The following FSTL4 variants were observed in gnomAD, a reference collection of about 807,000 sequenced individuals.
The protein encoded by FSTL4 is follistatin-related protein 4.
FSTL4 carries 28 observed loss-of-function variants against 78.2 expected under a neutral mutation model. The ratio of observed to expected loss-of-function variants is 0.36; its 90% CI spans 0.27 to 0.49. The LOEUF (loss-of-function observed/expected upper bound fraction) is 0.49. Among genes scored for constraint, FSTL4 ranks in the 20% least tolerant of loss-of-function variants. The pLI, the probability that FSTL4 is intolerant of heterozygous loss-of-function variation, is 0.98. For missense variants in FSTL4, 922 were observed against 1,084.9 expected (o/e 0.85, Z 2.11); for synonymous variants, 422 against 440.5 (o/e 0.96, Z 0.53).
At chr5:133,822,326 C>T in the FSTL4 span, among the ~76,000 whole-genome samples, 2 of 152,198 alleles carry the variant, frequency 1.3e-5, no homozygotes, top group African/African-American at 4.8e-5. Context: ...AATTTATATG[C>T]AGCATTGACC....
chr5:133,428,448 C>T (rs1366014473), intron 3 of FSTL4, among the ~76,000 whole-genome samples: 2 of 152,142 alleles, frequency 1.3e-5, no homozygotes, highest in Non-Finnish European at 2.9e-5. Context: ...GTGGAGGGTA[C>T]CCTGTCCAGA....
At chr5:133,495,322 C>T (rs955815326) in intron 3 of FSTL4, among the ~76,000 whole-genome samples, 1 of 152,214 alleles carries the variant, frequency 6.6e-6, no homozygotes, top group Non-Finnish European at 1.5e-5. Context: ...ACTGTGATTG[C>T]TGGAGAAAGG....
chr5:133,828,575 T>A, the FSTL4 span, among the ~76,000 whole-genome samples: 1 of 152,282 alleles, frequency 6.6e-6, no homozygotes, highest in Admixed American at 6.5e-5. Context: ...CTGTGCCTAA[T>A]TAAATTCTAG....
At chr5:133,618,125 T>C in the FSTL4 span, among the ~76,000 whole-genome samples, 2 of 152,324 alleles carry the variant, frequency 1.3e-5, no homozygotes, top group Middle Eastern at 3.4e-3. Context: ...ATACCTATGA[T>C]AGTTTAATTT....
chr5:133,610,206 C>T (rs185377162), intron 1 of FSTL4, among the ~76,000 whole-genome samples: 104 of 152,282 alleles, frequency 6.8e-4, no homozygotes, highest in African/African-American at 2.5e-3. Flanking sequence ...CCTCACCCAC[C>T]TCCAGGGCAC....
the FSTL4 span, among the ~76,000 whole-genome samples, chr5:133,710,159 A>C: frequency 1.3e-5 from 2 of 152,176 alleles, no homozygotes; most frequent in Admixed American, 6.5e-5. Flanking sequence ...GCCATCAGCT[A>C]TCAGCCATCA....
intron 3 of FSTL4, among the ~76,000 whole-genome samples, chr5:133,460,017 C>T (rs115646388): frequency 0.014 from 2,131 of 152,258 alleles, 47 homozygotes; most frequent in African/African-American, 0.049. Flanking sequence ...ATAGGGTGTA[C>T]GCCGAGTAAA....
intron 4 of FSTL4, among the ~76,000 whole-genome samples, chr5:133,337,310 C>G (rs921658229): frequency 6.6e-6 from 1 of 152,218 alleles, no homozygotes; most frequent in Admixed American, 6.5e-5. Flanking sequence ...CATTTTCCAA[C>G]TAGGAAGCGG....
chr5:133,410,093 C>G (rs921928107), intron 3 of FSTL4, among the ~76,000 whole-genome samples: 7 of 152,202 alleles, frequency 4.6e-5, no homozygotes, highest in African/African-American at 1.7e-4. Flanking sequence ...GTTATCTCAA[C>G]CGGCTTTTGA....
chr5:133,220,185 G>A (rs1581537839), intron 12 of FSTL4, among the ~76,000 whole-genome samples: 2 of 152,370 alleles, frequency 1.3e-5, no homozygotes, highest in East Asian at 3.9e-4. Context: ...GCATTGACAT[G>A]ACCCTTTGGG....
At chr5:133,729,822 TC>T in the FSTL4 span, among the ~76,000 whole-genome samples, 1 of 151,768 alleles carries the variant, frequency 6.6e-6, no homozygotes, top group African/African-American at 2.4e-5. Flanking sequence ...CACCCCCCAA[TC>T]CTGAGGAGAA....
the FSTL4 span, among the ~76,000 whole-genome samples, chr5:133,686,414 T>A: frequency 0.021 from 3,239 of 152,342 alleles, 49 homozygotes; most frequent in Non-Finnish European, 0.032. Context: ...AATGCTCACA[T>A]TGTGTCTGGC....
chr5:133,425,224 A>AT (rs1554113728), intron 3 of FSTL4, among the ~76,000 whole-genome samples: 355 of 144,162 alleles, frequency 2.5e-3, no homozygotes, highest in African/African-American at 8.9e-3. Context: ...CTTCAAAGTG[A>AT]CCTAAAAAAA....
chr5:133,546,712 G>A (rs1044896542), intron 3 of FSTL4, among the ~76,000 whole-genome samples: 2 of 152,056 alleles, frequency 1.3e-5, no homozygotes, highest in African/African-American at 4.8e-5. Flanking sequence ...GAGCAGAATG[G>A]TTTCAGGAAA....
At chr5:133,389,744 C>T (rs1755795573) in intron 4 of FSTL4, among the ~76,000 whole-genome samples, 1 of 152,168 alleles carries the variant, frequency 6.6e-6, no homozygotes, top group Non-Finnish European at 1.5e-5. Flanking sequence ...GCTATGAGGA[C>T]TCATGCAGAC....
At chr5:133,818,464 C>T in the FSTL4 span, among the ~76,000 whole-genome samples, 2 of 152,282 alleles carry the variant, frequency 1.3e-5, no homozygotes, top group East Asian at 1.9e-4. Flanking sequence ...AGAGGGGAGC[C>T]GGCTGTGTCA....
At chr5:133,461,970 C>A (rs1172567587) in intron 3 of FSTL4, among the ~76,000 whole-genome samples, 1 of 152,188 alleles carries the variant, frequency 6.6e-6, no homozygotes, top group Admixed American at 6.5e-5. Context: ...GAGGAAGAGT[C>A]CTGCCAAGCA....
At chr5:133,824,857 A>C in the FSTL4 span, among the ~76,000 whole-genome samples, 1 of 152,020 alleles carries the variant, frequency 6.6e-6, no homozygotes, top group Admixed American at 6.6e-5. Context: ...GCTAAATGGT[A>C]CCTGAGTCCA....
At chr5:133,763,250 C>G in the FSTL4 span, among the ~76,000 whole-genome samples, 1 of 152,216 alleles carries the variant, frequency 6.6e-6, no homozygotes, top group African/African-American at 2.4e-5. Context: ...CCATGTTTAC[C>G]TACAAGAGTA....
Sources: allele counts gnomAD v4.1 joint callset (sites outside exome capture counted in the v4.1 genomes callset), GRCh38; gene constraint gnomAD v4.1.1; transcripts MANE v1.5; gene names NCBI Gene and HGNC (gene_info 2026-07-23, HGNC 2026-07-21).